Variants in ZFYVE28 observed in about 807,000 individuals in gnomAD.
The protein encoded by ZFYVE28 is lateral signaling target protein 2 homolog.
A neutral mutation model predicts 82.1 loss-of-function variants in ZFYVE28; 40 were observed. The ratio of observed to expected loss-of-function variants is 0.49; its 90% confidence interval spans 0.38 to 0.63. ZFYVE28 has a LOEUF of 0.63. Among genes scored for constraint, ZFYVE28 ranks in the 30% least tolerant of loss-of-function variants. ZFYVE28 has a pLI of 0.00. For missense variants in ZFYVE28, 1,321 were observed against 1,242.1 expected, an observed-to-expected ratio of 1.06 and a Z score of -0.96; for synonymous variants, 612 against 546.1, an observed-to-expected ratio of 1.12 and a Z score of -1.68.
rs778219537 is a variant in ZFYVE28 at position 2,339,440 on chromosome 4, A to T, written c.521+13T>A. ...CTCATACAGCCAGGGCTGTGGACCC[A>T]CAGCTGCAGTACCTGAGCTCAAACT... is the stretch of plus-strand genomic sequence containing the variant. On this transcript the variant is annotated intron_variant, in intron 4 of 12. Transcript: ENST00000290974. The surrounding 1 kb of genome is among the most constrained non-coding windows in gnomAD (Gnocchi z 5.0). 1.2e-6 allele frequency: 2 copies of T among 1,612,366 alleles called. No individual in the cohort carries two copies. Among genetic ancestry groups the T allele is most frequent in the Non-Finnish European group, 1.7e-6 (2 of 1,179,456 alleles).
intron 8 of ZFYVE28, among the ~76,000 whole-genome samples, chr4:2,279,653 C>T (rs952305016): frequency 4.6e-5 from 7 of 151,026 alleles, no homozygotes; most frequent in South Asian, 2.1e-4. Context: ...TGGTGGCGGG[C>T]GCCTGTAGTC....
chr4:2,289,599 C>T (rs944611211), intron 8 of ZFYVE28, among the ~76,000 whole-genome samples: 16 of 152,154 alleles, frequency 1.1e-4, no homozygotes, highest in Non-Finnish European at 2.1e-4. Context: ...TCAGCAGCCC[C>T]ATCGCCCCCT....
At chr4:2,328,904 T>G (rs1018882756) in intron 6 of ZFYVE28, 3 of 423,128 alleles carry the variant, frequency 7.1e-6, no homozygotes, top group African/African-American at 6.0e-5. Flanking sequence ...TTGAATGATC[T>G]TGGCCCCCTT....
Position 2,271,766 on chromosome 4 carries a change from CAG to C in ZFYVE28, c.2335_2336del (p.Leu779AlafsTer19), listed in dbSNP as rs1280955633. 6.2e-7 allele frequency: 1 copy of C among 1,613,642 alleles called. No homozygotes were observed. Among genetic ancestry groups the C allele is most frequent in the East Asian group, 2.2e-5 (1 of 44,886 alleles). Reference sequence around the variant, plus strand: ...CACAGTCCTCCAAGGCCGCACTCCGCAGAGTCTGGGTGACTAGTGGAGAAGGG... The same window carrying C: ...CACAGTCCTCCAAGGCCGCACTCCGCAGTCTGGGTGACTAGTGGAGAAGGG... ...KEKLRKVTQTLRSAALEDCAL... is the reference protein window; with the variant it reads ...KEKLRKVTQTXRSAALEDCAL... On this transcript the variant is annotated frameshift_variant, in exon 11 of 13. Transcript: ENST00000290974. LOFTEE classifies it high-confidence loss of function.
intron 1 of ZFYVE28, among the ~76,000 whole-genome samples, chr4:2,374,406 G>A (rs1727891169): frequency 6.6e-6 from 1 of 152,080 alleles, no homozygotes; most frequent in African/African-American, 2.4e-5. Context: ...GAGTCCAGGA[G>A]CTCGAGACCA....
chr4:2,296,816 A>G (rs971190140), intron 8 of ZFYVE28, among the ~76,000 whole-genome samples: 12 of 152,170 alleles, frequency 7.9e-5, no homozygotes, highest in Non-Finnish European at 1.5e-5. Context: ...CTTGTCCTGC[A>G]GTGGGTCCAC....
At chr4:2,340,968 G>A (rs139866787) in intron 3 of ZFYVE28, among the ~76,000 whole-genome samples, 9 of 152,162 alleles carry the variant, frequency 5.9e-5, no homozygotes, top group Middle Eastern at 3.4e-3. Flanking sequence ...TGGGGAGTCC[G>A]CATGGTGGGG....
At chr4:2,374,713 T>A (rs943540828) in intron 1 of ZFYVE28, among the ~76,000 whole-genome samples, 10 of 152,230 alleles carry the variant, frequency 6.6e-5, no homozygotes, top group African/African-American at 2.4e-4. Flanking sequence ...AATGCCCACA[T>A]ATCTATGAAA....
At chr4:2,374,663 A>T (rs1190768127) in intron 1 of ZFYVE28, among the ~76,000 whole-genome samples, 1 of 151,804 alleles carries the variant, frequency 6.6e-6, no homozygotes, top group African/African-American at 2.4e-5. Context: ...GGAGGGGGAA[A>T]ATTGGTTTTT....
At chr4:2,298,956 C>G (rs1010568032) in intron 8 of ZFYVE28, among the ~76,000 whole-genome samples, 5 of 152,228 alleles carry the variant, frequency 3.3e-5, no homozygotes, top group African/African-American at 1.2e-4. Context: ...CCCGGCCCCA[C>G]CACAGAGGAG....
chr4:2,279,518 A>C (rs377587047), intron 8 of ZFYVE28, among the ~76,000 whole-genome samples: 3 of 151,952 alleles, frequency 2.0e-5, no homozygotes, highest in Non-Finnish European at 2.9e-5. Context: ...AGTGGCTCAC[A>C]CCTGTAATCC....
In ZFYVE28 at chr4:2,398,650, G is replaced by A. The variant is rs113061130; in HGVS notation, c.39+19635C>T. On this transcript the variant is annotated intron_variant, in intron 1 of 12. Coordinates refer to ENST00000290974, the MANE Select transcript of ZFYVE28 (RefSeq NM_020972.3). Reference sequence around the variant, plus strand: ...AAGATCCAGCACACAAGGCGGGGGCGAGATCGAGGGTACGAGGAGGAGCGA... The same window carrying A: ...AAGATCCAGCACACAAGGCGGGGGCAAGATCGAGGGTACGAGGAGGAGCGA... 3.1e-3 allele frequency among the ~76,000 whole-genome samples: 463 copies of A among 148,272 alleles called. 1 individual carries two copies. Among genetic ancestry groups the A allele is most frequent in the Non-Finnish European group, 5.6e-3 (374 of 66,732 alleles).
In ZFYVE28 at chr4:2,394,208, G is replaced by A. The variant is rs568795862; in HGVS notation, c.39+24077C>T. Reference sequence around the variant, plus strand: ...CATAATCCAGGAAAATTTCATGATCGGAAGGTCAACTGACGAGCAGGCGTA... The same window carrying A: ...CATAATCCAGGAAAATTTCATGATCAGAAGGTCAACTGACGAGCAGGCGTA... On this transcript the variant is annotated intron_variant, in intron 1 of 12. Coordinates refer to ENST00000290974, the MANE Select transcript of ZFYVE28 (RefSeq NM_020972.3). The surrounding 1 kb of genome is among the most constrained non-coding windows in gnomAD (Gnocchi z 4.0). Among the ~76,000 whole-genome samples the A allele has an allele frequency of 2.0e-5, 3 of 152,104 alleles. No individual in the cohort carries two copies. The highest frequency in any genetic ancestry group is 6.5e-5 in the Admixed American group (1 of 15,272).
At chr4:2,403,221 A>G (rs3135073) in intron 1 of ZFYVE28, among the ~76,000 whole-genome samples, 129,280 of 152,210 alleles carry the variant, frequency 0.85, 55,061 homozygotes, top group Admixed American at 0.9. Context: ...TTCCAGGGCT[A>G]CAGCCCAGGA....
chr4:2,418,386 C>G lies in ZFYVE28; in HGVS notation c.-63G>C. ...GCCCTCCGCAGCGCTGCGCCCGGGCCCGGCTGAGGCGCGGGGCGGACGCGG... is the reference window on the plus strand; with the variant it reads ...GCCCTCCGCAGCGCTGCGCCCGGGCGCGGCTGAGGCGCGGGGCGGACGCGG... On this transcript the variant is annotated 5_prime_UTR_variant, in exon 1 of 13. Transcript: ENST00000290974. This position sits in a 1 kb window ranked among gnomAD's most constrained non-coding sequence, Gnocchi z 4.6. 1.7e-6 allele frequency: 2 copies of G among 1,207,946 alleles called. No homozygotes were observed. The highest frequency in any genetic ancestry group is 3.2e-5 in the South Asian group (1 of 31,136). The allele number at this position is 1,207,946 out of a possible 1,614,324, so 74.8% of individuals were successfully genotyped here. A position where few individuals can be genotyped will look rare whatever the true frequency, so the allele number is the denominator to read the frequency against.
intron 7 of ZFYVE28, among the ~76,000 whole-genome samples, chr4:2,314,290 A>C (rs1467481505): frequency 1.3e-5 from 2 of 152,248 alleles, no homozygotes; most frequent in Non-Finnish European, 2.9e-5. Context: ...TACTTGTGTC[A>C]GGACTGGGTC....
chr4:2,357,394 C>T (rs1725487479), intron 1 of ZFYVE28, among the ~76,000 whole-genome samples: 1 of 152,206 alleles, frequency 6.6e-6, no homozygotes, highest in South Asian at 2.1e-4. Flanking sequence ...GCCTTCCTGC[C>T]ACTTCCTGAA....
chr4:2,334,980 G>A lies in ZFYVE28; in HGVS notation c.701+725C>T, dbSNP rs75742802. On this transcript the variant is annotated intron_variant, in intron 6 of 12. Transcript: ENST00000290974. ...CCGTCTGGAGTCAGGGTGTGGATGAGCAGCCTGACCCCTGGGCTCTAACCT... is the reference window on the plus strand; with the variant it reads ...CCGTCTGGAGTCAGGGTGTGGATGAACAGCCTGACCCCTGGGCTCTAACCT... Among the ~76,000 whole-genome samples, 352 of 150,190 alleles carry A rather than the reference G, an allele frequency of 2.3e-3. 9 individuals are homozygous for A. In the East Asian group the frequency reaches 0.057, roughly 24 times the overall value.
chr4:2,380,125 A>G (rs961280628), intron 1 of ZFYVE28, among the ~76,000 whole-genome samples: 2 of 152,232 alleles, frequency 1.3e-5, no homozygotes, highest in Non-Finnish European at 2.9e-5. Flanking sequence ...AATCGATCAA[A>G]CAACATAAAC....
Sources: gnomAD v4.1 joint callset for allele counts (sites outside exome capture counted in the v4.1 genomes callset) on GRCh38, gnomAD v4.1.1 for gene constraint, Gnocchi (gnomAD v3.1) non-coding constraint, MANE v1.5 for transcripts, NCBI Gene and HGNC (gene_info 2026-07-23, HGNC 2026-07-21) for gene names.